The following CAMK2D variants were observed in gnomAD, a reference collection of about 807,000 sequenced individuals.
CAMK2D encodes the protein calcium/calmodulin-dependent protein kinase type II subunit delta.
Under a neutral mutation model 84.0 loss-of-function variants are expected in CAMK2D, and 37 were observed. The ratio of observed to expected loss-of-function variants is 0.44; its 90% CI spans 0.34 to 0.58. The LOEUF (loss-of-function observed/expected upper bound fraction) is 0.58, where lower values mean the gene tolerates loss of function less well. Ranked by LOEUF, CAMK2D falls within the 20% of genes least tolerant of loss-of-function variation. The pLI, the probability that CAMK2D is intolerant of heterozygous loss-of-function variation, is 0.02. For missense variants in CAMK2D, 448 were observed against 652.5 expected, an observed-to-expected ratio of 0.69 and a Z score of 3.41; for synonymous variants, 202 against 212.5, an observed-to-expected ratio of 0.95 and a Z score of 0.43.
intron 17 of CAMK2D, among the ~76,000 whole-genome samples, chr4:113,464,046 C>A (rs2097426333): frequency 6.6e-6 from 1 of 152,172 alleles, no homozygotes; most frequent in Non-Finnish European, 1.5e-5. Flanking sequence ...CTAATCCCCC[C>A]ATATCTGCCA....
intron 2 of CAMK2D, among the ~76,000 whole-genome samples, chr4:113,707,160 T>C (rs757141780): frequency 2.0e-4 from 31 of 152,162 alleles, no homozygotes; most frequent in Non-Finnish European, 3.4e-4. Flanking sequence ...GGTTCATAAA[T>C]AGAAAATTAG....
intron 16 of CAMK2D, among the ~76,000 whole-genome samples, chr4:113,473,388 AT>A (rs2097569571): frequency 6.6e-6 from 1 of 152,132 alleles, no homozygotes; most frequent in African/African-American, 2.4e-5. Context: ...CTGTGACTTT[AT>A]TTTTACTTCA....
intron 7 of CAMK2D, 50 bp from the exon 8 acceptor site, chr4:113,531,349 T>C (rs1313751837): frequency 1.1e-6 from 1 of 930,408 alleles, no homozygotes; most frequent in South Asian, 1.3e-5. Flanking sequence ...CAAAACAATA[T>C]GAAATGGGAA....
At chr4:113,648,328 A>G (rs374612444) in intron 3 of CAMK2D, among the ~76,000 whole-genome samples, 12 of 152,320 alleles carry the variant, frequency 7.9e-5, no homozygotes, top group African/African-American at 2.6e-4. Context: ...TGCTCCTTAA[A>G]AGAAGTCAAA....
Position 113,749,265 on chromosome 4 carries a change from C to T in CAMK2D, c.160+10055G>A, listed in dbSNP as rs114667716. 3.5e-3 allele frequency among the ~76,000 whole-genome samples: 507 copies of T among 145,750 alleles called. 3 individuals are homozygous for T. The highest frequency in any genetic ancestry group is 0.012 in the African/African-American group (486 of 39,008). ...GCTATAGAATTTGGAACCCCGCCCC[C>T]CCCACCCAGTGTCTTGCAACATATC... On this transcript the variant is annotated intron_variant, in intron 2 of 20. Transcript: ENST00000511664.
intron 2 of CAMK2D, among the ~76,000 whole-genome samples, chr4:113,725,812 C>A (rs1370474240): frequency 1.3e-5 from 2 of 152,088 alleles, no homozygotes; most frequent in African/African-American, 4.8e-5. Flanking sequence ...GAAAAATAGT[C>A]TTTATGTTAA....
intron 8 of CAMK2D, among the ~76,000 whole-genome samples, chr4:113,525,324 T>G (rs1560713158): frequency 6.6e-6 from 1 of 152,210 alleles, no homozygotes; most frequent in Admixed American, 6.5e-5. Context: ...TGCATTTATT[T>G]ATTTATTTTT....
chr4:113,623,048 A>T (rs539360389), intron 3 of CAMK2D, among the ~76,000 whole-genome samples: 5 of 152,292 alleles, frequency 3.3e-5, no homozygotes, highest in Admixed American at 3.3e-4. Flanking sequence ...AAGCCTAAAA[A>T]ATTTACTCCT....
At position 113,636,172 on chromosome 4, in the gene CAMK2D, T is replaced by C. The variant is rs563079074; in HGVS notation, c.220+25541A>G. Among the ~76,000 whole-genome samples, 8 of 152,302 alleles carry C rather than the reference T, an allele frequency of 5.3e-5. No individual in the cohort carries two copies. In the South Asian group the frequency reaches 1.7e-3, roughly 32 times the overall value. On this transcript the variant is annotated intron_variant, in intron 3 of 20. Transcript: ENST00000511664. ...ACATTCTACCTCACTCCCAGCTGTGTCCACCTCCACTGAGACAACTCTATC... is the reference window on the plus strand; with the variant it reads ...ACATTCTACCTCACTCCCAGCTGTGCCCACCTCCACTGAGACAACTCTATC...
At chr4:113,565,641 A>C (rs1388366797) in intron 4 of CAMK2D, among the ~76,000 whole-genome samples, 1 of 146,760 alleles carries the variant, frequency 6.8e-6, no homozygotes, top group African/African-American at 2.6e-5. Flanking sequence ...ACACAGTGAG[A>C]CTCTGTCTCA....
chr4:113,615,482 A>C (rs1036854343), intron 3 of CAMK2D, among the ~76,000 whole-genome samples: 1 of 152,248 alleles, frequency 6.6e-6, no homozygotes, highest in African/African-American at 2.4e-5. Flanking sequence ...AATAGAAAAC[A>C]CAAAAGCACT....
At chr4:113,548,553 T>G in intron 5 of CAMK2D, 2 of 580,944 alleles carry the variant, frequency 3.4e-6, no homozygotes, top group South Asian at 2.4e-5. Context: ...TAGAAACAAG[T>G]TGGGAAAGGC....
intron 3 of CAMK2D, among the ~76,000 whole-genome samples, chr4:113,657,793 A>G (rs1332379445): frequency 6.6e-6 from 1 of 152,192 alleles, no homozygotes; most frequent in East Asian, 1.9e-4. Flanking sequence ...GACACATTCA[A>G]ATATAAAAAT....
chr4:113,649,308 CTTAA>C (rs1331480994), intron 3 of CAMK2D, among the ~76,000 whole-genome samples: 2 of 152,296 alleles, frequency 1.3e-5, no homozygotes, highest in East Asian at 1.9e-4. Context: ...CTAAATAAAT[CTTAA>C]TTAATTCTTT....
chr4:113,568,437 C>T (rs1292258710), intron 4 of CAMK2D, among the ~76,000 whole-genome samples: 2 of 152,170 alleles, frequency 1.3e-5, no homozygotes, highest in Non-Finnish European at 2.9e-5. Flanking sequence ...TGTAATATTG[C>T]ATCGTATGTA....
intron 3 of CAMK2D, among the ~76,000 whole-genome samples, chr4:113,637,312 TTCTAAATATACAATGA>T (rs1422784575): frequency 6.6e-6 from 1 of 152,220 alleles, no homozygotes; most frequent in Non-Finnish European, 1.5e-5. Context: ...ACACGTGTAA[TTCTAAATATACAATGA>T]TTTTCCTACA....
intron 4 of CAMK2D, among the ~76,000 whole-genome samples, chr4:113,552,309 A>T (rs2098634804): frequency 6.6e-6 from 1 of 152,230 alleles, no homozygotes; most frequent in African/African-American, 2.4e-5. Flanking sequence ...ACATGAGGTC[A>T]CAATTTTCTG....
chr4:113,560,406 A>G (rs2098692665), intron 4 of CAMK2D, among the ~76,000 whole-genome samples: 1 of 152,182 alleles, frequency 6.6e-6, no homozygotes, highest in Admixed American at 6.5e-5. Flanking sequence ...AAGCTCTATC[A>G]AGCATCTAGT....
At chr4:113,686,982 A>C (rs1162642023) in intron 2 of CAMK2D, among the ~76,000 whole-genome samples, 1 of 152,034 alleles carries the variant, frequency 6.6e-6, no homozygotes, top group Admixed American at 6.6e-5. Context: ...AAAATGTAAA[A>C]CTCCAGATTC....
Sources: allele counts gnomAD v4.1 joint callset (sites outside exome capture counted in the v4.1 genomes callset), GRCh38; gene constraint gnomAD v4.1.1; transcripts MANE v1.5; gene names NCBI Gene and HGNC (gene_info 2026-07-23, HGNC 2026-07-21).